LONRF2: variants seen among roughly 807,000 people sequenced by gnomAD.
LONRF2 encodes LON peptidase N-terminal domain and RING finger protein 2.
Under a neutral mutation model 66.6 loss-of-function variants are expected in LONRF2, and 35 were observed. That is an observed-to-expected ratio of 0.53 (90% CI 0.40 to 0.70). The LOEUF is 0.70. LONRF2 is among the 30% of genes least tolerant of loss of function. LONRF2 has a pLI of 0.00. For missense variants in LONRF2, 902 were observed against 1,002.1 expected (o/e 0.90, Z 1.35); for synonymous variants, 417 against 418.1 (o/e 1.00, Z 0.03).
At chr2:100,285,847 T>C (rs1674834626) in intron 11 of LONRF2, among the ~76,000 whole-genome samples, 1 of 152,194 alleles carries the variant, frequency 6.6e-6, no homozygotes, top group Non-Finnish European at 1.5e-5. Flanking sequence ...ATAATACATA[T>C]GTGTTGTTTT....
intron 1 of LONRF2, among the ~76,000 whole-genome samples, chr2:100,315,303 A>C (rs1288687262): frequency 6.6e-6 from 1 of 152,196 alleles, no homozygotes; most frequent in Non-Finnish European, 1.5e-5. Flanking sequence ...TTGACCTTGT[A>C]GTCAGCAATC....
chr2:100,284,332 T>A lies in LONRF2; in HGVS notation c.2231A>T (p.Gln744Leu), dbSNP rs757623316. ...TCTCTCCCTGGCATTAGCCAGCTCT[T>A]GCCGACTATTCATCTTACGCGTGAT... ...VIITRKMNSR[Q>L]ELANARERNN Residue 744 changes from glutamine to leucine, a missense_variant, in exon 12 of 12, where the codon CAA becomes CTA. By Grantham distance (113) the Gln-to-Leu change is moderately radical. This residue lies in a region of LONRF2 where 317 missense variants were observed against 432.2 expected (regional missense o/e 0.73). Coordinates refer to ENST00000393437, the MANE Select transcript of LONRF2 (RefSeq NM_198461.4). The A allele has an allele frequency of 3.0e-5, 47 of 1,575,342 alleles. No homozygotes were observed. In the South Asian group the frequency reaches 5.4e-4, roughly 18 times the overall value.
At chr2:100,315,318 T>C (rs1193030772) in intron 1 of LONRF2, among the ~76,000 whole-genome samples, 16 of 152,238 alleles carry the variant, frequency 1.1e-4, no homozygotes, top group Non-Finnish European at 4.4e-5. Flanking sequence ...GCAATCTGGA[T>C]AAATCATTTA....
chr2:100,282,613 T>C lies in LONRF2; in HGVS notation c.*1685A>G, dbSNP rs1674762118. Reference sequence around the variant, plus strand: ...TGCCTAAGAAAGTTGAATACTATTGTTAATGCATAAATTAATAAAATCTCT... The same window carrying C: ...TGCCTAAGAAAGTTGAATACTATTGCTAATGCATAAATTAATAAAATCTCT... On this transcript the variant is annotated 3_prime_UTR_variant, in exon 12 of 12. Transcript: ENST00000393437. 1 of 152,216 alleles carries C rather than the reference T, an allele frequency of 6.6e-6. No individual in the cohort carries two copies. 9.4% of individuals were successfully genotyped at this position (152,216 alleles called of 1,614,324 possible).
rs766161882 is a variant in LONRF2 at position 100,281,086 on chromosome 2, C to T, written c.*3212G>A. ...AAATTATAACAAATTCTATGTAACA[C>T]AGGCAATGGAGTATTTCGATGGTAG... On this transcript the variant is annotated 3_prime_UTR_variant, in exon 12 of 12. Coordinates refer to ENST00000393437, the MANE Select transcript of LONRF2 (RefSeq NM_198461.4). 1.3e-5 allele frequency: 2 copies of T among 152,122 alleles called. No individual in the cohort carries two copies. The highest frequency in any genetic ancestry group is 2.9e-5 in the Non-Finnish European group (2 of 68,032). 9.4% of individuals were successfully genotyped at this position (152,122 alleles called of 1,614,324 possible).
chr2:100,291,437 C>T (rs11902303), intron 9 of LONRF2, among the ~76,000 whole-genome samples: 43,153 of 151,720 alleles, frequency 0.28, 7,202 homozygotes, highest in East Asian at 0.46. Flanking sequence ...CTCCTGCCTT[C>T]GCCCACAAGG....
chr2:100,300,176 T>TAC (rs1208629056), intron 4 of LONRF2, among the ~76,000 whole-genome samples: 8 of 150,142 alleles, frequency 5.3e-5, no homozygotes, highest in South Asian at 2.1e-4. Flanking sequence ...TCTATCTATC[T>TAC]ACACACACAC....
rs146339845 is a variant in LONRF2 at position 100,299,980 on chromosome 2, G to C, written c.1066-62C>G. Reference sequence around the variant, plus strand: ...AAGAAATCATAGCATAAGAGAAAAAGAATGCAGAAGCCTGTACTAGAAATC... The same window carrying C: ...AAGAAATCATAGCATAAGAGAAAAACAATGCAGAAGCCTGTACTAGAAATC... On this transcript the variant is annotated intron_variant, in intron 4 of 11. Coordinates refer to ENST00000393437, the MANE Select transcript of LONRF2 (RefSeq NM_198461.4). 394 of 778,732 alleles carry C rather than the reference G, an allele frequency of 5.1e-4. 4 individuals carry two copies. The African/African-American group carries it at 6.6e-3, about 13-fold the overall frequency. 48.2% of individuals were successfully genotyped at this position (778,732 alleles called of 1,614,324 possible).
Position 100,290,373 on chromosome 2 carries a change from A to G in LONRF2, c.1805T>C (p.Phe602Ser), listed in dbSNP as rs1674934669. 1 of 1,614,076 alleles carries G rather than the reference A, an allele frequency of 6.2e-7. No individual in the cohort carries two copies. The highest frequency in any genetic ancestry group is 1.3e-5 in the African/African-American group (1 of 74,930). Residue 602 changes from phenylalanine to serine, a missense_variant, in exon 10 of 12, where the codon TTT becomes TCT. Physicochemically the swap from Phe to Ser is radical, Grantham distance 155. This residue lies in a region of LONRF2 where 317 missense variants were observed against 432.2 expected (regional missense o/e 0.73). Coordinates refer to ENST00000393437, the MANE Select transcript of LONRF2 (RefSeq NM_198461.4). The stretch of plus-strand genomic sequence containing the variant: ...GTCTACAACAGAACTTCCATCAGGA[A>G]ACGTTCTCACGTCCTTAATCTCCAG... ...CMLEIKDVRT[F>S]PDGSSVVDAI...
intron 2 of LONRF2, among the ~76,000 whole-genome samples, chr2:100,307,169 C>G (rs1675315391): frequency 6.6e-6 from 1 of 152,134 alleles, no homozygotes; most frequent in Non-Finnish European, 1.5e-5. Context: ...ATCCGCCCGT[C>G]TCGGCCTCCG....
chr2:100,278,090 C>T lies in LONRF2; in HGVS notation c.*6208G>A, dbSNP rs1674636410. ...TTTCACGAAGACACACAATGGTCTCCTCAAACAACTCCATTTCAAATTCTG... is the reference window on the plus strand; with the variant it reads ...TTTCACGAAGACACACAATGGTCTCTTCAAACAACTCCATTTCAAATTCTG... On this transcript the variant is annotated 3_prime_UTR_variant, in exon 12 of 12. Coordinates refer to ENST00000393437, the MANE Select transcript of LONRF2 (RefSeq NM_198461.4). 1 of 152,134 alleles carries T rather than the reference C, an allele frequency of 6.6e-6. No homozygotes were observed. Among genetic ancestry groups the T allele is most frequent in the Non-Finnish European group, 1.5e-5 (1 of 68,042 alleles). The allele number at this position is 152,134 out of a possible 1,614,324, so 9.4% of individuals were successfully genotyped here. A position where few individuals can be genotyped will look rare whatever the true frequency, so the allele number is the denominator to read the frequency against.
chr2:100,316,235 T>C (rs1675502868), intron 1 of LONRF2, among the ~76,000 whole-genome samples: 1 of 147,086 alleles, frequency 6.8e-6, no homozygotes, highest in Admixed American at 7.0e-5. Context: ...AGGAGAATGA[T>C]GTGAACCTGG....
chr2:100,298,718 T>C (rs573439880), intron 7 of LONRF2, 118 bp downstream of exon 7: 4 of 693,956 alleles, frequency 5.8e-6, no homozygotes, highest in East Asian at 2.5e-5. Flanking sequence ...CTATCTTTGA[T>C]TGGAGAAATC....
At position 100,322,378 on chromosome 2, in the gene LONRF2, C is replaced by T; in HGVS notation, c.-285G>A. ...GGCGCAATCTGAGCCCCTGCCCACG[C>T]GCAGCGGCCTCTCAGTCCCGCCGGC... On this transcript the variant is annotated 5_prime_UTR_variant, in exon 1 of 12. Transcript: ENST00000393437. 3.7e-6 allele frequency: 1 copy of T among 273,724 alleles called. No homozygotes were observed. Among genetic ancestry groups the T allele is most frequent in the East Asian group, 6.6e-5 (1 of 15,192 alleles). 17.0% of individuals were successfully genotyped at this position (273,724 alleles called of 1,614,324 possible).
At chr2:100,293,495 T>C (rs1176589561) in intron 9 of LONRF2, among the ~76,000 whole-genome samples, 1 of 152,074 alleles carries the variant, frequency 6.6e-6, no homozygotes, top group African/African-American at 2.4e-5. Flanking sequence ...ACCTCCTCCA[T>C]AGCTAGCACT....
rs1674697268 is a variant in LONRF2, at chr2:100,280,659, T to TA, written c.*3638dup. On this transcript the variant is annotated 3_prime_UTR_variant, in exon 12 of 12. Transcript: ENST00000393437. ...AGCTGGGTGTGGTGGCGCGTGCCTG[T>TA]AATCCCAGCTACTCAGGGGGCCAAG... 6.6e-6 allele frequency: 1 copy of TA among 151,896 alleles called. No homozygotes were observed. Among genetic ancestry groups the TA allele is most frequent in the African/African-American group, 2.4e-5 (1 of 41,330 alleles). The allele number at this position is 151,896 out of a possible 1,614,324, so 9.4% of individuals were successfully genotyped here.
intron 1 of LONRF2, 34 bp from the exon 2 acceptor site, chr2:100,309,259 T>C (rs1573123725): frequency 7.2e-7 from 1 of 1,394,474 alleles, no homozygotes. Flanking sequence ...TCAATAAAAA[T>C]GACTGCATTT....
At position 100,292,378 on chromosome 2, in the gene LONRF2, A is replaced by G. The variant is rs190219561; in HGVS notation, c.1757+1851T>C. ...CAGACCTGCACTCTGATGCCAGCCC[A>G]CACAAGGTCATTAGCAATTTGTTTA... On this transcript the variant is annotated intron_variant, in intron 9 of 11. Coordinates refer to ENST00000393437, the MANE Select transcript of LONRF2 (RefSeq NM_198461.4). Among the ~76,000 whole-genome samples, 9 of 152,304 alleles carry G rather than the reference A, an allele frequency of 5.9e-5. No individual in the cohort carries two copies. In the East Asian group the frequency reaches 1.7e-3, roughly 29 times the overall value.
intron 5 of LONRF2, 42 bp downstream of exon 5, chr2:100,299,675 C>T (rs1675138320): frequency 6.6e-7 from 1 of 1,508,316 alleles, no homozygotes; most frequent in Non-Finnish European, 9.2e-7. Flanking sequence ...CATTCTATCA[C>T]TTTGGAGTCA....
Sources: allele counts gnomAD v4.1 joint callset (sites outside exome capture counted in the v4.1 genomes callset), GRCh38; gene constraint gnomAD v4.1.1; regional missense constraint gnomAD v4.1.1; transcripts MANE v1.5; gene names NCBI Gene and HGNC (gene_info 2026-07-23, HGNC 2026-07-21).